The following ITFG1 variants were observed in gnomAD, a reference collection of about 807,000 sequenced individuals.
ITFG1 encodes the protein T-cell immunomodulatory protein.
A neutral mutation model predicts 81.8 loss-of-function variants in ITFG1; 34 were observed. That is an observed-to-expected ratio of 0.42 (90% CI 0.32 to 0.55). The LOEUF (loss-of-function observed/expected upper bound fraction) is 0.55, where lower values mean the gene tolerates loss of function less well. Ranked by LOEUF, ITFG1 falls within the 20% of genes least tolerant of loss-of-function variation. The pLI, the probability that ITFG1 is intolerant of heterozygous loss-of-function variation, is 0.17. For synonymous variants in ITFG1, 285 were observed against 270.6 expected (o/e 1.05, Z -0.52); for missense variants, 672 against 755.4 (o/e 0.89, Z 1.29).
intron 8 of ITFG1, among the ~76,000 whole-genome samples, chr16:47,346,716 C>T (rs187231694): frequency 6.5e-4 from 99 of 152,074 alleles, no homozygotes; most frequent in East Asian, 1.7e-3. Context: ...TGAATCATGA[C>T]GAAATATAGA....
intron 10 of ITFG1, among the ~76,000 whole-genome samples, chr16:47,304,797 C>T (rs1418931818): frequency 6.6e-6 from 1 of 152,102 alleles, no homozygotes; most frequent in Non-Finnish European, 1.5e-5. Context: ...CAAAATCTTC[C>T]ATGTCACTCT....
At chr16:47,201,585 T>C (rs1965425443) in intron 14 of ITFG1, among the ~76,000 whole-genome samples, 1 of 152,180 alleles carries the variant, frequency 6.6e-6, no homozygotes. Flanking sequence ...ATCCTTATTC[T>C]CACAGTTTCT....
intron 6 of ITFG1, among the ~76,000 whole-genome samples, chr16:47,377,059 A>G (rs540101497): frequency 1.3e-5 from 2 of 150,510 alleles, no homozygotes; most frequent in South Asian, 4.3e-4. Flanking sequence ...TACATTAGAT[A>G]TGCTCAGAAA....
At chr16:47,218,736 GA>G (rs1260233529) in intron 14 of ITFG1, 131 bp downstream of exon 14, 2 of 435,724 alleles carry the variant, frequency 4.6e-6, no homozygotes, top group Non-Finnish European at 7.9e-6. Flanking sequence ...TAAGTCTATG[GA>G]AAGACTAAGT....
chr16:47,248,621 G>C (rs972713041), intron 12 of ITFG1, among the ~76,000 whole-genome samples: 1 of 152,098 alleles, frequency 6.6e-6, no homozygotes, highest in African/African-American at 2.4e-5. Context: ...AATTTCCCCA[G>C]TGATATCAGA....
At chr16:47,355,166 A>T (rs961387737) in intron 8 of ITFG1, among the ~76,000 whole-genome samples, 6 of 151,616 alleles carry the variant, frequency 4.0e-5, no homozygotes, top group South Asian at 2.1e-4. Context: ...ATGAATGGAT[A>T]AAAAAAAATG....
At chr16:47,423,470 T>C (rs1175804190) in intron 6 of ITFG1, among the ~76,000 whole-genome samples, 1 of 152,218 alleles carries the variant, frequency 6.6e-6, no homozygotes, top group Non-Finnish European at 1.5e-5. Context: ...TTTGATCCTG[T>C]CATTATGATG....
intron 10 of ITFG1, among the ~76,000 whole-genome samples, chr16:47,284,473 T>C (rs1171532205): frequency 1.3e-5 from 2 of 152,198 alleles, no homozygotes; most frequent in African/African-American, 2.4e-5. Flanking sequence ...GAAACTCAGT[T>C]TAATTTATCC....
At chr16:47,445,866 A>ACTTGTACCC (rs1393600114) in intron 5 of ITFG1, among the ~76,000 whole-genome samples, 1 of 152,150 alleles carries the variant, frequency 6.6e-6, no homozygotes, top group Non-Finnish European at 1.5e-5. Flanking sequence ...GCCCCCTGTG[A>ACTTGTACCC]CTTGTACCCC....
At chr16:47,277,033 T>A (rs1966404821) in intron 10 of ITFG1, among the ~76,000 whole-genome samples, 1 of 152,182 alleles carries the variant, frequency 6.6e-6, no homozygotes, top group African/African-American at 2.4e-5. Context: ...TGCACATCTG[T>A]AACATTAAGC....
chr16:47,332,960 A>G (rs1394279429), intron 8 of ITFG1, among the ~76,000 whole-genome samples: 4 of 152,238 alleles, frequency 2.6e-5, no homozygotes, highest in African/African-American at 9.6e-5. Flanking sequence ...TATCATATTT[A>G]TAAACATACT....
intron 13 of ITFG1, among the ~76,000 whole-genome samples, chr16:47,229,872 A>G (rs997359292): frequency 1.3e-5 from 2 of 152,200 alleles, no homozygotes; most frequent in Admixed American, 6.5e-5. Context: ...GTGCGGTTTC[A>G]TGTCCTGTGG....
rs1967547698 is a variant in ITFG1 at position 47,326,565 on chromosome 16, C to T, written c.803-12742G>A. ...GTTTGCAGATGACATGATTGTATAT[C>T]TAGAAAACCCCATCGTCTCAGCACA... is the stretch of plus-strand genomic sequence containing the variant. On this transcript the variant is annotated intron_variant, in intron 8 of 17. Coordinates refer to ENST00000320640, the MANE Select transcript of ITFG1 (RefSeq NM_030790.5). 2.0e-5 allele frequency among the ~76,000 whole-genome samples: 3 copies of T among 152,090 alleles called. No individual in the cohort carries two copies. In the South Asian group the frequency reaches 6.2e-4, roughly 32 times the overall value.
intron 11 of ITFG1, among the ~76,000 whole-genome samples, chr16:47,259,717 C>T (rs990317297): frequency 6.6e-6 from 1 of 151,972 alleles, no homozygotes; most frequent in African/African-American, 2.4e-5. Flanking sequence ...TTGCTTTTTT[C>T]AGAATTTATT....
intron 8 of ITFG1, among the ~76,000 whole-genome samples, chr16:47,321,770 T>A (rs1406043398): frequency 6.6e-6 from 1 of 152,222 alleles, no homozygotes; most frequent in Non-Finnish European, 1.5e-5. Context: ...CCAGGCTAGA[T>A]ACTTTTAGAA....
chr16:47,225,332 C>T (rs912013766), intron 13 of ITFG1, among the ~76,000 whole-genome samples: 1 of 151,780 alleles, frequency 6.6e-6, no homozygotes, highest in African/African-American at 2.4e-5. Flanking sequence ...TAATGGGAGT[C>T]CCAGAAGAGA....
chr16:47,251,820 A>C (rs1966079203), intron 12 of ITFG1, among the ~76,000 whole-genome samples: 1 of 152,268 alleles, frequency 6.6e-6, no homozygotes, highest in Non-Finnish European at 1.5e-5. Flanking sequence ...TGTAACAATA[A>C]ACTGTAATAA....
rs186738816 is a variant in ITFG1, at chr16:47,305,167, T to G, written c.1070+6073A>C. On this transcript the variant is annotated intron_variant, in intron 10 of 17. Coordinates refer to ENST00000320640, the MANE Select transcript of ITFG1 (RefSeq NM_030790.5). Reference sequence around the variant, plus strand: ...TGTCTGGAAAGACAAGTATATACACTCATATATCATTTACTACTCTCTCTC... The same window carrying G: ...TGTCTGGAAAGACAAGTATATACACGCATATATCATTTACTACTCTCTCTC... 1.8e-4 allele frequency among the ~76,000 whole-genome samples: 28 copies of G among 152,286 alleles called. 1 individual carries two copies. The East Asian group carries it at 4.2e-3, about 23-fold the overall frequency.
chr16:47,299,070 G>A (rs1967031107), intron 10 of ITFG1, among the ~76,000 whole-genome samples: 2 of 152,100 alleles, frequency 1.3e-5, no homozygotes, highest in South Asian at 4.1e-4. Context: ...TGAGGTCTCC[G>A]CTTGGGGAGT....
Sources: allele counts gnomAD v4.1 joint callset (sites outside exome capture counted in the v4.1 genomes callset), GRCh38; gene constraint gnomAD v4.1.1; transcripts MANE v1.5; gene names NCBI Gene and HGNC (gene_info 2026-07-23, HGNC 2026-07-21).